Variants in PHYHD1 observed in about 807,000 individuals in gnomAD.
PHYHD1 encodes the protein phytanoyl-CoA dioxygenase domain-containing protein 1.
A neutral mutation model predicts 43.6 loss-of-function variants in PHYHD1; 42 were observed. The ratio of observed to expected loss-of-function variants is 0.96; its 90% CI spans 0.75 to 1.25. The LOEUF (loss-of-function observed/expected upper bound fraction) is 1.25. Ranked by LOEUF, PHYHD1 falls within the 50% of genes most tolerant of loss-of-function variation. The pLI is 0.00. For synonymous variants in PHYHD1, 139 were observed against 143.6 expected (o/e 0.97, Z 0.23); for missense variants, 342 against 370.8 (o/e 0.92, Z 0.64).
intron 4 of PHYHD1, 95 bp downstream of exon 4, chr9:128,927,291 C>T: frequency 1.3e-6 from 2 of 1,511,550 alleles, no homozygotes; most frequent in East Asian, 2.3e-5. Flanking sequence ...GATCCCAAGG[C>T]TCCAGGGTGT....
Position 128,922,282 on chromosome 9 carries a change from G to A in PHYHD1, c.-41-1G>A, listed in dbSNP as rs1441188553. The A allele has an allele frequency of 1.9e-6, 3 of 1,549,858 alleles. No individual in the cohort carries two copies. The highest frequency in any genetic ancestry group is 2.4e-5 in the South Asian group (2 of 83,916). On this transcript the variant is annotated splice_acceptor_variant, in intron 2 of 12. Transcript: ENST00000372592. LOFTEE classifies it low-confidence loss of function (5UTR_SPLICE). ...CTCCTAAACTTTCTCCTCCCCACCAGGAGGCCGCGCTTAGAAGCCGCCCAG... is the reference window on the plus strand; with the variant it reads ...CTCCTAAACTTTCTCCTCCCCACCAAGAGGCCGCGCTTAGAAGCCGCCCAG...
At chr9:128,934,501 G>T (rs954685409) in intron 6 of PHYHD1, among the ~76,000 whole-genome samples, 1 of 151,980 alleles carries the variant, frequency 6.6e-6, no homozygotes, top group Non-Finnish European at 1.5e-5. Context: ...GGGCGTGGTC[G>T]TTCACGTCTG....
chr9:128,924,627 AAG>A (rs1299368250), intron 3 of PHYHD1, among the ~76,000 whole-genome samples: 2 of 150,196 alleles, frequency 1.3e-5, no homozygotes, highest in African/African-American at 4.9e-5. Context: ...AAAAAAAAAA[AAG>A]AAGAAGGAAA....
chr9:128,929,091 G>A (rs1370739722), intron 4 of PHYHD1, among the ~76,000 whole-genome samples: 2 of 152,192 alleles, frequency 1.3e-5, no homozygotes, highest in East Asian at 1.9e-4. Context: ...CAGTTTGGGA[G>A]GCCAAGCAGG....
chr9:128,936,724 G>C (rs1378580073), intron 8 of PHYHD1, 79 bp downstream of exon 8: 1 of 1,424,458 alleles, frequency 7.0e-7, no homozygotes, highest in Non-Finnish European at 9.6e-7. Flanking sequence ...CTTACAATGG[G>C]CCAAAAGTTG....
intron 4 of PHYHD1, among the ~76,000 whole-genome samples, chr9:128,930,984 T>G (rs940547952): frequency 6.6e-6 from 1 of 151,558 alleles, no homozygotes; most frequent in Non-Finnish European, 1.5e-5. Flanking sequence ...AATTTCTTCT[T>G]CTATAAAATG....
intron 3 of PHYHD1, among the ~76,000 whole-genome samples, 183 bp downstream of exon 3, chr9:128,922,539 G>C (rs918243080): frequency 6.6e-6 from 1 of 152,124 alleles, no homozygotes; most frequent in African/African-American, 2.4e-5. Context: ...TGGGTGTCTA[G>C]ATCACAGGAC....
intron 9 of PHYHD1, 74 bp downstream of exon 9, chr9:128,937,852 C>T: frequency 6.2e-7 from 1 of 1,610,946 alleles, no homozygotes. Flanking sequence ...CTCAGATCTT[C>T]AGAAGGAGGG....
chr9:128,932,172 ATTATTATTATTATTTT>A lies in PHYHD1; in HGVS notation c.193-1607_193-1592del, dbSNP rs1841303450. The stretch of plus-strand genomic sequence containing the variant: ...TTCTATTATTATTATTATTATTGTT[ATTATTATTATTATTTT>A]TTTTTTTTGAGATGGAGTCTCGCAC... On this transcript the variant is annotated intron_variant, in intron 4 of 12. Transcript: ENST00000372592. 1.2e-4 allele frequency among the ~76,000 whole-genome samples: 13 copies of A among 104,230 alleles called. 1 individual carries two copies. The highest frequency in any genetic ancestry group is 4.3e-4 in the African/African-American group (10 of 23,214). 68.4% of individuals were successfully genotyped at this position (104,230 alleles called of 152,430 possible). A position where few individuals can be genotyped will look rare whatever the true frequency, so the allele number is the denominator to read the frequency against.
In PHYHD1 at chr9:128,940,728, A is replaced by T. The variant is rs1211114071; in HGVS notation, c.703+13A>T. On this transcript the variant is annotated intron_variant, in intron 11 of 12. Transcript: ENST00000372592. The stretch of plus-strand genomic sequence containing the variant: ...CCAGTGCAGAGAGGTAGGCAGATGC[A>T]GAGGGCAGAGAGGCAGGGGGCTGAG... The T allele has an allele frequency of 6.2e-7, 1 of 1,610,720 alleles. No individual in the cohort carries two copies. Among genetic ancestry groups the T allele is most frequent in the Non-Finnish European group, 8.5e-7 (1 of 1,178,430 alleles).
chr9:128,940,836 G>A, intron 11 of PHYHD1, 121 bp downstream of exon 11: 3 of 974,070 alleles, frequency 3.1e-6, no homozygotes, highest in Non-Finnish European at 4.6e-6. Context: ...GTCACAGAAA[G>A]AGAAGGAGGG....
intron 6 of PHYHD1, 141 bp downstream of exon 6, chr9:128,934,199 C>T: frequency 3.5e-6 from 3 of 865,062 alleles, no homozygotes; most frequent in Non-Finnish European, 5.3e-6. Flanking sequence ...ACCAGTCTGG[C>T]CAACATGGTG....
chr9:128,934,231 T>C lies in PHYHD1; in HGVS notation c.316+173T>C, dbSNP rs146836001. 2.7e-3 allele frequency among the ~76,000 whole-genome samples: 406 copies of C among 151,538 alleles called. 5 individuals are homozygous for C. Among genetic ancestry groups the C allele is most frequent in the African/African-American group, 9.3e-3 (386 of 41,326 alleles). On this transcript the variant is annotated intron_variant, in intron 6 of 12. Coordinates refer to ENST00000372592, the MANE Select transcript of PHYHD1 (RefSeq NM_001100876.2). ...GGTGAAACCCCATCTCTACTAAAAA[T>C]AGAAAAAATTAGGTGAGTGTAGTGG...
chr9:128,938,648 C>G (rs1199589695), intron 9 of PHYHD1, among the ~76,000 whole-genome samples: 1 of 149,828 alleles, frequency 6.7e-6, no homozygotes, highest in Admixed American at 6.8e-5. Context: ...GTCTCGAACT[C>G]CTGACCTCAG....
chr9:128,928,777 AT>A (rs1841200990), intron 4 of PHYHD1, among the ~76,000 whole-genome samples: 1 of 152,170 alleles, frequency 6.6e-6, no homozygotes, highest in East Asian at 1.9e-4. Context: ...AGAGCTTGGC[AT>A]GGTGCCCAGC....
chr9:128,932,843 ATTTATTTAT>A (rs973342376), intron 4 of PHYHD1, among the ~76,000 whole-genome samples: 13 of 145,950 alleles, frequency 8.9e-5, no homozygotes, highest in Non-Finnish European at 1.8e-4. Flanking sequence ...TTATTTATTT[ATTTATTTAT>A]TTATTTATTT....
chr9:128,940,215 T>TAG (rs1841521950), intron 9 of PHYHD1, among the ~76,000 whole-genome samples, 154 bp from the exon 10 acceptor site: 1 of 152,126 alleles, frequency 6.6e-6, no homozygotes. Flanking sequence ...TCGCTTGCCT[T>TAG]AGAGTCCTGG....
At chr9:128,937,070 A>G (rs1564542363) in intron 8 of PHYHD1, among the ~76,000 whole-genome samples, 1 of 151,790 alleles carries the variant, frequency 6.6e-6, no homozygotes, top group Non-Finnish European at 1.5e-5. Flanking sequence ...AGTGGAGATC[A>G]CGCCAATGTA....
rs759007470 is a variant in PHYHD1, at chr9:128,922,318, G to A, written c.-6G>A. ...TTAGAAGCCGCCCAGTGCCCTGAGC[G>A]TCTCCATGGCCTGCCTGAGCCCCTC... On this transcript the variant is annotated 5_prime_UTR_variant, in exon 3 of 13. Transcript: ENST00000372592. The A allele has an allele frequency of 6.4e-7, 1 of 1,551,256 alleles. No homozygotes were observed. The highest frequency in any genetic ancestry group is 2.0e-5 in the Admixed American group (1 of 51,056).
Sources: allele counts gnomAD v4.1 joint callset (sites outside exome capture counted in the v4.1 genomes callset), GRCh38; gene constraint gnomAD v4.1.1; transcripts MANE v1.5; gene names NCBI Gene and HGNC (gene_info 2026-07-23, HGNC 2026-07-21).